Variants in DNM3 observed in about 807,000 individuals in gnomAD.
The protein encoded by DNM3 is dynamin 3.
Under a neutral mutation model 101.6 loss-of-function variants are expected in DNM3, and 47 were observed. That is an observed-to-expected ratio of 0.46 (90% CI 0.37 to 0.59). DNM3 has a LOEUF of 0.59. Among genes scored for constraint, DNM3 ranks in the 20% least tolerant of loss-of-function variants. The pLI, the probability that DNM3 is intolerant of heterozygous loss-of-function variation, is 0.00. For missense variants in DNM3, 849 were observed against 1,085.7 expected (o/e 0.78, Z 3.06); for synonymous variants, 385 against 387.9 (o/e 0.99, Z 0.09).
At chr1:172,032,525 ACTTTTTTTTTT>A (rs776781253) in intron 5 of DNM3, 25 bp downstream of exon 5, 2 of 662,840 alleles carry the variant, frequency 3.0e-6, no homozygotes, top group Non-Finnish European at 2.2e-6. Flanking sequence ...TCTATACAAG[ACTTTTTTTTTT>A]TTTTTTTTTT....
intron 2 of DNM3, among the ~76,000 whole-genome samples, chr1:171,973,673 T>C (rs2044173453): frequency 7.9e-6 from 1 of 126,484 alleles, no homozygotes; most frequent in East Asian, 2.1e-4. Flanking sequence ...CTCCAAAATC[T>C]TTTTTTTTTT....
intron 18 of DNM3, 39 bp from the exon 19 acceptor site, chr1:172,387,094 A>G: frequency 6.5e-7 from 1 of 1,550,304 alleles, no homozygotes; most frequent in Non-Finnish European, 8.9e-7. Flanking sequence ...TCAGTCACTC[A>G]TTTATTCCCA....
intron 14 of DNM3, among the ~76,000 whole-genome samples, chr1:172,176,875 T>C (rs2059169749): frequency 6.6e-6 from 1 of 151,828 alleles, no homozygotes; most frequent in Non-Finnish European, 1.5e-5. Flanking sequence ...TCTATTTGGA[T>C]ATATTATAGA....
chr1:172,154,154 C>A (rs2058249061), intron 14 of DNM3, among the ~76,000 whole-genome samples: 1 of 151,992 alleles, frequency 6.6e-6, no homozygotes, highest in African/African-American at 2.4e-5. Flanking sequence ...TAGGTATGCT[C>A]TACAATGGTT....
intron 2 of DNM3, among the ~76,000 whole-genome samples, chr1:171,969,547 G>A (rs1412927308): frequency 6.6e-6 from 1 of 152,130 alleles, no homozygotes; most frequent in Non-Finnish European, 1.5e-5. Context: ...ATGACTCCTA[G>A]TCTCTTCATT....
At chr1:171,859,292 C>T (rs925846833) in intron 1 of DNM3, among the ~76,000 whole-genome samples, 1 of 152,156 alleles carries the variant, frequency 6.6e-6, no homozygotes, top group African/African-American at 2.4e-5. Flanking sequence ...CTGCCTCCCA[C>T]TTCCTCATGT....
chr1:172,277,542 A>G (rs1255161680), intron 15 of DNM3, among the ~76,000 whole-genome samples: 1 of 152,084 alleles, frequency 6.6e-6, no homozygotes, highest in East Asian at 1.9e-4. Context: ...TCAAGTAGAC[A>G]TCATCAAGAA....
At chr1:172,188,501 C>G (rs909354169) in intron 14 of DNM3, among the ~76,000 whole-genome samples, 2 of 152,050 alleles carry the variant, frequency 1.3e-5, no homozygotes, top group Non-Finnish European at 2.9e-5. Context: ...ATCTGCCCCT[C>G]TTGTCACTGT....
chr1:172,144,756 A>G, intron 14 of DNM3: 1 of 342,914 alleles, frequency 2.9e-6, no homozygotes, highest in Non-Finnish European at 6.0e-6. Flanking sequence ...AGACACACTC[A>G]AGGGCTGTGA....
At chr1:171,911,254 C>T (rs901372320) in intron 1 of DNM3, among the ~76,000 whole-genome samples, 2 of 149,914 alleles carry the variant, frequency 1.3e-5, no homozygotes, top group African/African-American at 4.9e-5. Context: ...CAATTAAATA[C>T]CTCACTTTAC....
chr1:172,379,030 G>A lies in DNM3; in HGVS notation c.1906G>A (p.Glu636Lys). 2 of 1,609,946 alleles carry A rather than the reference G, an allele frequency of 1.2e-6. No homozygotes were observed. Among genetic ancestry groups the A allele is most frequent in the Non-Finnish European group, 1.7e-6 (2 of 1,178,174 alleles). The stretch of plus-strand genomic sequence containing the variant: ...TCTCTTCTTTTAGGCTGAAAATGAT[G>A]AGAATGGACAAGCAGAAAACTTTTC... ...SVGNNKAEND[E>K]NGQAENFSMD... Residue 636 changes from glutamate to lysine, a missense_variant, in exon 18 of 21, where the codon GAG becomes AAG. Coordinates refer to ENST00000627582, the MANE Select transcript of DNM3 (RefSeq NM_015569.5).
At chr1:172,163,485 C>A (rs1242706157) in intron 14 of DNM3, among the ~76,000 whole-genome samples, 3 of 151,772 alleles carry the variant, frequency 2.0e-5, no homozygotes, top group Non-Finnish European at 4.4e-5. Flanking sequence ...TGATCTGCCC[C>A]CCTTGGCCTC....
intron 15 of DNM3, among the ~76,000 whole-genome samples, chr1:172,260,629 G>A (rs1258588019): frequency 6.6e-6 from 1 of 151,744 alleles, no homozygotes; most frequent in Non-Finnish European, 1.5e-5. Context: ...AATGTATTTT[G>A]TATATTATTC....
At chr1:172,308,949 A>G (rs2064965099) in intron 16 of DNM3, 110 bp downstream of exon 16, 1 of 540,768 alleles carries the variant, frequency 1.8e-6, no homozygotes, top group African/African-American at 2.0e-5. Flanking sequence ...GACTTAATTA[A>G]TTAGTTACAC....
intron 17 of DNM3, among the ~76,000 whole-genome samples, chr1:172,360,014 G>A (rs1248818959): frequency 6.6e-6 from 1 of 151,950 alleles, no homozygotes. Context: ...GCAACAGATA[G>A]TTTAGTCTAC....
chr1:172,072,658 TG>T (rs2052294628), intron 11 of DNM3, among the ~76,000 whole-genome samples: 1 of 152,088 alleles, frequency 6.6e-6, no homozygotes, highest in Non-Finnish European at 1.5e-5. Context: ...GAGGCCAAGG[TG>T]GGTGGATCAC....
chr1:172,338,538 T>C (rs17368942), intron 17 of DNM3, among the ~76,000 whole-genome samples: 22,007 of 152,164 alleles, frequency 0.14, 2,068 homozygotes, highest in Non-Finnish European at 0.21. Context: ...GAATGGATTC[T>C]GTTCACAGCT....
rs547580560 is a variant in DNM3, at chr1:172,049,747, C to T, written c.1335+997C>T. ...TTATCCTTCCCTTTATAGATGGTTA[C>T]TAGCAGTTACCTTTCTGAAAAACCA... On this transcript the variant is annotated intron_variant, in intron 10 of 20. Coordinates refer to ENST00000627582, the MANE Select transcript of DNM3 (RefSeq NM_015569.5). 6.6e-5 allele frequency among the ~76,000 whole-genome samples: 10 copies of T among 152,146 alleles called. No individual in the cohort carries two copies. In the East Asian group the frequency reaches 1.9e-3, roughly 29 times the overall value.
chr1:172,218,593 T>C (rs1000167660), intron 14 of DNM3, among the ~76,000 whole-genome samples: 10 of 152,142 alleles, frequency 6.6e-5, no homozygotes, highest in African/African-American at 2.4e-4. Flanking sequence ...TTGTGGTATA[T>C]GATATATACA....
Sources: allele counts gnomAD v4.1 joint callset (sites outside exome capture counted in the v4.1 genomes callset), GRCh38; gene constraint gnomAD v4.1.1; transcripts MANE v1.5; gene names NCBI Gene and HGNC (gene_info 2026-07-23, HGNC 2026-07-21).